SLC35F4: variants seen among roughly 807,000 people sequenced by gnomAD.
SLC35F4 encodes chromosome 14 open reading frame 36.
Under a neutral mutation model 44.2 loss-of-function variants are expected in SLC35F4, and 24 were observed. That is an observed-to-expected ratio of 0.54 (90% CI 0.39 to 0.76). The LOEUF is 0.76. Among genes scored for constraint, SLC35F4 ranks in the 30% least tolerant of loss-of-function variants. The probability of loss-of-function intolerance (pLI) is 0.00; values close to 1 mark genes in which losing one functional copy is unlikely to be tolerated. For synonymous variants in SLC35F4, 238 were observed against 223.6 expected (o/e 1.06, Z -0.57); for missense variants, 562 against 586.1 (o/e 0.96, Z 0.42).
Position 57,682,208 on chromosome 14 carries a change from T to C in SLC35F4, c.104-88084A>G, listed in dbSNP as rs2035176787. Among the ~76,000 whole-genome samples, 4 of 152,168 alleles carry C rather than the reference T, an allele frequency of 2.6e-5. No individual in the cohort carries two copies. In the South Asian group the frequency reaches 6.2e-4, roughly 24 times the overall value. On this transcript the variant is annotated intron_variant, in intron 1 of 7. Transcript: ENST00000556826. ...GACACATGAACACGTATGTTTATTG[T>C]GGCACTGTTCACAATAGCAAAGACT...
chr14:57,820,674 C>A (rs535075960), intron 1 of SLC35F4, among the ~76,000 whole-genome samples: 160 of 152,320 alleles, frequency 1.1e-3, no homozygotes, highest in Non-Finnish European at 1.7e-3. Flanking sequence ...GGAGACAAAA[C>A]TTCCTTTTTG....
intron 1 of SLC35F4, among the ~76,000 whole-genome samples, chr14:57,745,441 T>C (rs1207108892): frequency 2.2e-4 from 33 of 152,154 alleles, no homozygotes; most frequent in Admixed American, 2.0e-3. Flanking sequence ...ACAGACACTT[T>C]TCAAAAGAAG....
chr14:57,827,386 A>G (rs1262601052), intron 1 of SLC35F4, among the ~76,000 whole-genome samples: 1 of 152,162 alleles, frequency 6.6e-6, no homozygotes, highest in Non-Finnish European at 1.5e-5. Flanking sequence ...AAACATAGCT[A>G]TGCATGCTGG....
At chr14:57,974,860 T>C (rs140473766), downstream of SLC35F4, among the ~76,000 whole-genome samples, 229 of 152,332 alleles carry the variant, frequency 1.5e-3, 1 homozygote, top group Non-Finnish European at 2.7e-3. Context: ...GAATTCATTA[T>C]CATCATTATG....
intron 1 of SLC35F4, among the ~76,000 whole-genome samples, chr14:57,897,864 T>C (rs1888915290): frequency 6.6e-6 from 1 of 152,130 alleles, no homozygotes; most frequent in Non-Finnish European, 1.5e-5. Flanking sequence ...AATATTTGGG[T>C]TTTGGAATGA....
rs955200477 is a variant in SLC35F4, at chr14:57,719,350, T to C, written c.104-125226A>G. Among the ~76,000 whole-genome samples, 18 of 152,252 alleles carry C rather than the reference T, an allele frequency of 1.2e-4. 1 individual carries two copies. The highest frequency in any genetic ancestry group is 9.8e-4 in the Admixed American group (15 of 15,284). ...AATTTTAGGATTGTTTTTCCATTTC[T>C]GTGAAGACTGTCCTTGGTATTTTGA... On this transcript the variant is annotated intron_variant, in intron 1 of 7. Transcript: ENST00000556826.
intron 1 of SLC35F4, among the ~76,000 whole-genome samples, chr14:57,903,267 G>C (rs1198212844): frequency 6.6e-6 from 1 of 152,190 alleles, no homozygotes; most frequent in Non-Finnish European, 1.5e-5. Flanking sequence ...GGGATCAACA[G>C]ATGGAAAATT....
intron 1 of SLC35F4, among the ~76,000 whole-genome samples, chr14:57,818,616 C>A (rs910808447): frequency 6.6e-6 from 1 of 152,152 alleles, no homozygotes; most frequent in Non-Finnish European, 1.5e-5. Context: ...AATGTGAAAT[C>A]TCAGCAACCA....
intron 1 of SLC35F4, among the ~76,000 whole-genome samples, chr14:57,651,205 A>G (rs1312777876): frequency 6.6e-6 from 1 of 152,200 alleles, no homozygotes; most frequent in South Asian, 2.1e-4. Context: ...TGCACAAAAC[A>G]TGTCAGTTGA....
At chr14:57,615,536 A>G (rs1404435319) in intron 1 of SLC35F4, among the ~76,000 whole-genome samples, 6 of 152,218 alleles carry the variant, frequency 3.9e-5, no homozygotes, top group African/African-American at 1.4e-4. Context: ...CATCTTTACA[A>G]AACAATATTG....
At chr14:57,571,751 C>T (rs1566627173) in intron 5 of SLC35F4, 143 bp downstream of exon 5, 1 of 1,209,202 alleles carries the variant, frequency 8.3e-7, no homozygotes, top group African/African-American at 1.6e-5. Context: ...GTACCCATCA[C>T]ATAACAAGTA....
At chr14:57,863,970 A>G (rs2141017260) in intron 1 of SLC35F4, among the ~76,000 whole-genome samples, 1 of 152,312 alleles carries the variant, frequency 6.6e-6, no homozygotes, top group East Asian at 1.9e-4. Flanking sequence ...TGTGTTGCAA[A>G]TGAAGCATGT....
chr14:57,864,310 T>C (rs910167416), intron 1 of SLC35F4, among the ~76,000 whole-genome samples: 1 of 152,224 alleles, frequency 6.6e-6, no homozygotes, highest in Non-Finnish European at 1.5e-5. Flanking sequence ...GTATAGTACT[T>C]CAAAGGGCAT....
chr14:57,789,764 G>C (rs2077866705), intron 1 of SLC35F4, among the ~76,000 whole-genome samples: 3 of 152,148 alleles, frequency 2.0e-5, no homozygotes. Context: ...CTGGCAAACT[G>C]AATCCAGCAG....
At chr14:57,893,188 C>G (rs1422416373) in intron 1 of SLC35F4, among the ~76,000 whole-genome samples, 1 of 152,102 alleles carries the variant, frequency 6.6e-6, no homozygotes, top group African/African-American at 2.4e-5. Context: ...GCCAAGGCAC[C>G]TTGGAAAAAC....
intron 1 of SLC35F4, among the ~76,000 whole-genome samples, chr14:57,603,005 A>G (rs1463003862): frequency 2.0e-5 from 3 of 152,166 alleles, no homozygotes; most frequent in Non-Finnish European, 4.4e-5. Flanking sequence ...CAGACCTAGA[A>G]TCTGTCTACT....
chr14:57,645,919 T>A (rs892097130), intron 1 of SLC35F4, among the ~76,000 whole-genome samples: 1 of 152,180 alleles, frequency 6.6e-6, no homozygotes, highest in African/African-American at 2.4e-5. Context: ...ATATGCTGGA[T>A]TACATTTATT....
chr14:57,934,271 G>T (rs1000060331), intron 1 of SLC35F4, among the ~76,000 whole-genome samples: 1 of 150,752 alleles, frequency 6.6e-6, no homozygotes, highest in African/African-American at 2.4e-5. Flanking sequence ...TAGGTTGTGG[G>T]GAGTGGGATG....
chr14:57,808,454 C>G (rs112992111), intron 1 of SLC35F4, among the ~76,000 whole-genome samples: 7 of 151,948 alleles, frequency 4.6e-5, no homozygotes, highest in Non-Finnish European at 7.4e-5. Flanking sequence ...AACAAAAACT[C>G]ACACCTGGAA....
Sources: gnomAD v4.1 joint callset for allele counts (sites outside exome capture counted in the v4.1 genomes callset) on GRCh38, gnomAD v4.1.1 for gene constraint, MANE v1.5 for transcripts, NCBI Gene and HGNC (gene_info 2026-07-23, HGNC 2026-07-21) for gene names.